RARB: variants seen among roughly 807,000 people sequenced by gnomAD.
The protein encoded by RARB is HBV-activated protein.
A neutral mutation model predicts 51.9 loss-of-function variants in RARB; 17 were observed. That is an observed-to-expected ratio of 0.33 (90% CI 0.22 to 0.49). The LOEUF (loss-of-function observed/expected upper bound fraction) is 0.49. Ranked by LOEUF, RARB falls within the 20% of genes least tolerant of loss-of-function variation. The probability of loss-of-function intolerance (pLI) is 0.99; values close to 1 mark genes in which losing one functional copy is unlikely to be tolerated. For synonymous variants in RARB, 215 were observed against 195.4 expected, an observed-to-expected ratio of 1.10 and a Z score of -0.84; for missense variants, 369 against 550.8, an observed-to-expected ratio of 0.67 and a Z score of 3.30.
intron 5 of RARB, among the ~76,000 whole-genome samples, chr3:25,328,983 T>A (rs2125443870): frequency 6.6e-6 from 1 of 152,088 alleles, no homozygotes; most frequent in African/African-American, 2.4e-5. Context: ...GGGAGGGGCG[T>A]CCACCATTGC....
chr3:25,358,074 A>T (rs1408880489), intron 5 of RARB, among the ~76,000 whole-genome samples: 1 of 152,192 alleles, frequency 6.6e-6, no homozygotes, highest in Non-Finnish European at 1.5e-5. Flanking sequence ...TGGGAATAAC[A>T]TTGAATCTAT....
intron 2 of RARB, among the ~76,000 whole-genome samples, chr3:25,495,182 T>C (rs1223655014): frequency 6.6e-6 from 1 of 152,050 alleles, no homozygotes; most frequent in Non-Finnish European, 1.5e-5. Flanking sequence ...ATCTGAAAAT[T>C]AGAAGGTGAA....
intron 2 of RARB, among the ~76,000 whole-genome samples, chr3:24,859,968 CAA>C (rs796092011): frequency 6.7e-6 from 1 of 149,974 alleles, no homozygotes; most frequent in Non-Finnish European, 1.5e-5. Context: ...GGAATAAAAA[CAA>C]AAAAAAATGG....
intron 5 of RARB, among the ~76,000 whole-genome samples, chr3:25,376,995 C>G (rs1706479826): frequency 6.6e-6 from 1 of 151,984 alleles, no homozygotes; most frequent in Non-Finnish European, 1.5e-5. Context: ...CTTTGTTTTT[C>G]TTCTTTCAAT....
At chr3:25,139,680 G>A (rs1700080746) in intron 4 of RARB, among the ~76,000 whole-genome samples, 1 of 152,164 alleles carries the variant, frequency 6.6e-6, no homozygotes, top group Non-Finnish European at 1.5e-5. Context: ...TAGGATAATT[G>A]ATGAAGGTGG....
At chr3:25,000,538 C>A (rs1697137894) in intron 2 of RARB, among the ~76,000 whole-genome samples, 1 of 152,070 alleles carries the variant, frequency 6.6e-6, no homozygotes, top group South Asian at 2.1e-4. Flanking sequence ...TTTTTAAAAT[C>A]ATATTACCCT....
At chr3:25,559,478 A>T (rs1476796935) in intron 3 of RARB, among the ~76,000 whole-genome samples, 3 of 152,180 alleles carry the variant, frequency 2.0e-5, no homozygotes, top group Non-Finnish European at 2.9e-5. Flanking sequence ...CTCCCTTCTG[A>T]CATCTAGCTC....
intron 2 of RARB, among the ~76,000 whole-genome samples, chr3:24,997,605 G>A (rs578005794): frequency 1.8e-4 from 27 of 152,098 alleles, no homozygotes; most frequent in African/African-American, 5.8e-4. Context: ...GGCTGGTCTC[G>A]AATTCTTGAC....
intron 5 of RARB, among the ~76,000 whole-genome samples, chr3:25,295,549 G>A (rs1703895920): frequency 6.6e-6 from 1 of 152,124 alleles, no homozygotes; most frequent in African/African-American, 2.4e-5. Context: ...GACAAACTAA[G>A]ACATTAACCT....
At chr3:25,379,346 CA>C (rs548196018) in intron 5 of RARB, among the ~76,000 whole-genome samples, 7 of 151,072 alleles carry the variant, frequency 4.6e-5, no homozygotes, top group African/African-American at 1.2e-4. Flanking sequence ...AACATGGAAA[CA>C]AAAAAAAATT....
At chr3:25,196,342 T>A (rs1335568310) in intron 5 of RARB, among the ~76,000 whole-genome samples, 1 of 152,076 alleles carries the variant, frequency 6.6e-6, no homozygotes, top group Non-Finnish European at 1.5e-5. Context: ...GTCCTTGTGA[T>A]AGTTTGCTCA....
rs189337466 is a variant in RARB at position 25,187,307 on chromosome 3, T to A, written c.178+12732T>A. 4.5e-3 allele frequency among the ~76,000 whole-genome samples: 682 copies of A among 152,228 alleles called. 3 individuals carry two copies. Among genetic ancestry groups the A allele is most frequent in the African/African-American group, 0.015 (644 of 41,550 alleles). On this transcript the variant is annotated intron_variant, in intron 5 of 11. Coordinates refer to the RARB transcript ENST00000383772. ...AATAGGTATTTGTAAGAATGCTATATATTATTTATTTGTTACACTAACCTC... is the reference window on the plus strand; with the variant it reads ...AATAGGTATTTGTAAGAATGCTATAAATTATTTATTTGTTACACTAACCTC...
chr3:24,889,140 C>G (rs1246975893), intron 2 of RARB, among the ~76,000 whole-genome samples: 1 of 152,198 alleles, frequency 6.6e-6, no homozygotes, highest in Non-Finnish European at 1.5e-5. Flanking sequence ...TGGGTGGATT[C>G]ATCAAAATCT....
chr3:25,511,791 CT>C (rs1480310534), intron 3 of RARB, among the ~76,000 whole-genome samples: 1 of 152,188 alleles, frequency 6.6e-6, no homozygotes, highest in East Asian at 1.9e-4. Flanking sequence ...ACATGCTGAA[CT>C]CTGTGCACAA....
intron 3 of RARB, among the ~76,000 whole-genome samples, chr3:25,516,034 C>G (rs1419008742): frequency 6.6e-6 from 1 of 152,100 alleles, no homozygotes; most frequent in Non-Finnish European, 1.5e-5. Flanking sequence ...GGCATTTTGC[C>G]TTTTCCTCTG....
In RARB at chr3:25,434,740, C is replaced by T. The variant is rs544591120; in HGVS notation, c.157+5852C>T. 1.8e-4 allele frequency among the ~76,000 whole-genome samples: 27 copies of T among 152,018 alleles called. No individual in the cohort carries two copies. In the South Asian group the frequency reaches 5.0e-3, roughly 28 times the overall value. ...TATTTTTAGTAGAGATGGGGTTTCA[C>T]TATGTTGGCCAGGATGGTCTCGATC... On this transcript the variant is annotated intron_variant, in intron 1 of 7. Transcript: ENST00000330688.
intron 3 of RARB, among the ~76,000 whole-genome samples, chr3:25,543,790 A>G (rs1699492193): frequency 1.3e-5 from 2 of 151,942 alleles, no homozygotes; most frequent in Admixed American, 1.3e-4. Flanking sequence ...TTGGAAATGC[A>G]AAAGTAACCT....
chr3:25,269,997 G>A (rs1703217108), intron 5 of RARB, among the ~76,000 whole-genome samples: 1 of 152,090 alleles, frequency 6.6e-6, no homozygotes, highest in South Asian at 2.1e-4. Context: ...TATTTGGGGG[G>A]CAAAAAGAAA....
At chr3:25,253,747 T>C (rs757638211) in intron 5 of RARB, among the ~76,000 whole-genome samples, 35 of 152,188 alleles carry the variant, frequency 2.3e-4, no homozygotes, top group Admixed American at 7.9e-4. Flanking sequence ...ATATGAGTTA[T>C]CAGTTGTCAA....
Sources: allele counts gnomAD v4.1 joint callset (sites outside exome capture counted in the v4.1 genomes callset), GRCh38; gene constraint gnomAD v4.1.1; transcripts MANE v1.5; gene names NCBI Gene and HGNC (gene_info 2026-07-23, HGNC 2026-07-21).